The following ZNF519 variants were observed in gnomAD, a reference collection of about 807,000 sequenced individuals.
ZNF519 encodes similar to Zinc finger protein 85 (Zinc finger protein HPF4) (HTF1).
In ZNF519, 7 loss-of-function variants were observed where a neutral mutation model predicts 7.4. The observed-to-expected ratio is 0.94, with a 90% confidence interval of 0.54 to 1.77. ZNF519 has a LOEUF of 1.77. ZNF519 is among the 40% of genes most tolerant of loss of function. The pLI is 0.00. For synonymous variants in ZNF519, 179 were observed against 203.3 expected (o/e 0.88, Z 1.02); for missense variants, 586 against 623.1 (o/e 0.94, Z 0.63).
At chr18:14,122,336 T>C (rs963153592) in intron 2 of ZNF519, 2 of 152,158 alleles carry the variant, frequency 1.3e-5, no homozygotes, top group Non-Finnish European at 2.9e-5. Context: ...CTCTACAGGA[T>C]TAAAAATTAT....
intron 2 of ZNF519, among the ~76,000 whole-genome samples, chr18:14,120,213 G>A (rs1189867018): frequency 6.6e-6 from 1 of 151,862 alleles, no homozygotes; most frequent in Non-Finnish European, 1.5e-5. Flanking sequence ...AAAAACCAAT[G>A]GAACATAATA....
In ZNF519 at chr18:14,105,712, C is replaced by A. The variant is rs970915816; in HGVS notation, c.828G>T (p.Arg276Ser). The change falls in exon 3 of 3, where the codon AGG (arginine) becomes AGT (serine). Residue 276 changes from arginine to serine, a missense_variant. Transcript: ENST00000590202. ...KYKERGKAFT[R>S]GLHLGHQKIH... ...TTTTCTGATGTCCAAGATGTAAGCC[C>A]CTGGTAAAAGCTTTGCCACGTTCTT... is the stretch of plus-strand genomic sequence containing the variant. 6 of 1,613,628 alleles carry A rather than the reference C, an allele frequency of 3.7e-6. No individual in the cohort carries two copies. The African/African-American group carries it at 8.0e-5, about 22-fold the overall frequency.
At chr18:14,106,754 G>T (rs1213188184) in intron 2 of ZNF519, among the ~76,000 whole-genome samples, 2 of 152,134 alleles carry the variant, frequency 1.3e-5, no homozygotes, top group Non-Finnish European at 2.9e-5. Flanking sequence ...CTCATGCCCT[G>T]GCAGCTGTCA....
chr18:14,082,694 T>C (rs1022418495), intron 3 of ZNF519: 17 of 151,626 alleles, frequency 1.1e-4, no homozygotes, highest in African/African-American at 4.1e-4. Context: ...TTTTTTTTTT[T>C]CTCTCCATCA....
chr18:14,092,824 A>T lies in ZNF519; in HGVS notation c.131-7748T>A, dbSNP rs145812342. 3.6e-3 allele frequency among the ~76,000 whole-genome samples: 552 copies of T among 152,318 alleles called. 3 individuals are homozygous for T. The highest frequency in any genetic ancestry group is 0.012 in the African/African-American group (500 of 41,546). On this transcript the variant is annotated intron_variant and NMD_transcript_variant, in intron 2 of 4. Transcript: ENST00000587419. ...CTCAATCTTAGCCTATAAAATTTACAGACTCAGCAGAAATAATTGTGTCCA... is the reference window on the plus strand; with the variant it reads ...CTCAATCTTAGCCTATAAAATTTACTGACTCAGCAGAAATAATTGTGTCCA...
At position 14,104,960 on chromosome 18, in the gene ZNF519, C is replaced by G. The variant is rs1282112224; in HGVS notation, c.1580G>C (p.Arg527Thr). ...KCKECGKAFN[R>T]RSTLTQHQII... The stretch of plus-strand genomic sequence containing the variant: ...TTGATGTTGAGTAAGGGTTGAGCGT[C>G]TGTTAAAAGCTTTGCCACATTCTTT... The change falls in exon 3 of 3, where the codon AGA (arginine) becomes ACA (threonine). Residue 527 changes from arginine to threonine, a missense_variant. Physicochemically the swap from Arg to Thr is moderately conservative, Grantham distance 71 (BLOSUM62 -1). Transcript: ENST00000590202. 1 of 1,584,696 alleles carries G rather than the reference C, an allele frequency of 6.3e-7. No homozygotes were observed. The highest frequency in any genetic ancestry group is 2.2e-5 in the East Asian group (1 of 44,752).
At chr18:14,080,160 A>G (rs2046064767) in intron 3 of ZNF519, 1 of 152,122 alleles carries the variant, frequency 6.6e-6, no homozygotes, top group African/African-American at 2.4e-5. Flanking sequence ...GGAAAAACAA[A>G]TAAGAACAAT....
intron 2 of ZNF519, among the ~76,000 whole-genome samples, chr18:14,094,064 CGTGT>C (rs1197856743): frequency 1.3e-5 from 2 of 152,274 alleles, no homozygotes; most frequent in African/African-American, 4.8e-5. Flanking sequence ...TGCTTTAATG[CGTGT>C]GTTTCTTCTC....
downstream of ZNF519, chr18:14,073,171 C>A (rs2143064968): frequency 6.6e-6 from 1 of 152,206 alleles, no homozygotes; most frequent in East Asian, 1.9e-4. Flanking sequence ...TTGTCTATTA[C>A]AACAGCTAAT....
Position 14,102,670 on chromosome 18 carries a change from C to G in ZNF519, c.*2247G>C, listed in dbSNP as rs556368114. On this transcript the variant is annotated 3_prime_UTR_variant, in exon 3 of 3. Transcript: ENST00000590202. ...CTTTTTAAAATAATAATAATTTATT[C>G]TCTATATGTTGTAAATTATTTTCTC... is the stretch of plus-strand genomic sequence containing the variant. The G allele has an allele frequency of 6.6e-6, 1 of 152,078 alleles. No individual in the cohort carries two copies. The highest frequency in any genetic ancestry group is 2.4e-5 in the African/African-American group (1 of 41,482). The allele number at this position is 152,078 out of a possible 1,614,324, so 9.4% of individuals were successfully genotyped here.
At chr18:14,077,976 A>G (rs980081356) in intron 4 of ZNF519, among the ~76,000 whole-genome samples, 2 of 152,070 alleles carry the variant, frequency 1.3e-5, no homozygotes, top group African/African-American at 4.8e-5. Context: ...TGGGAAGACA[A>G]TTTTTCCATG....
rs374950878 is a variant in ZNF519, at chr18:14,106,371, G to C, written c.169C>G (p.Gln57Glu). Residue 57 changes from glutamine (Q) to glutamate (E), a missense_variant, in exon 3 of 3, where the codon CAA becomes GAA. By Grantham distance (29) the Gln-to-Glu change is conservative. Coordinates refer to ENST00000590202, the MANE Select transcript of ZNF519 (RefSeq NM_145287.4). ...TTTTTGAATGAATCTTGTATGCCTT[G>C]CTCTGGTAAAATGCCTTGGTTGTAA... ...SYYNQGILPE[Q>E]GIQDSFKKAT... The C allele has an allele frequency of 1.9e-6, 3 of 1,606,084 alleles. No homozygotes were observed. The highest frequency in any genetic ancestry group is 2.5e-6 in the Non-Finnish European group (3 of 1,177,534).
chr18:14,130,264 A>G (rs1462350868), intron 1 of ZNF519, among the ~76,000 whole-genome samples: 1 of 151,302 alleles, frequency 6.6e-6, no homozygotes, highest in African/African-American at 2.4e-5. Context: ...TTCAACATTC[A>G]ATCTCTCTTT....
intron 2 of ZNF519, among the ~76,000 whole-genome samples, chr18:14,110,348 G>A (rs2143137273): frequency 6.6e-6 from 1 of 152,022 alleles, no homozygotes; most frequent in Admixed American, 6.6e-5. Flanking sequence ...TAAACAAATG[G>A]GACCTTATTA....
At chr18:14,119,690 A>G in intron 2 of ZNF519, among the ~76,000 whole-genome samples, 1 of 152,140 alleles carries the variant, frequency 6.6e-6, no homozygotes, top group South Asian at 2.1e-4. Flanking sequence ...TGCTGGGCTC[A>G]AATGATCCAC....
chr18:14,106,239 A>C lies in ZNF519; in HGVS notation c.301T>G (p.Cys101Gly), dbSNP rs745680132. 1 of 1,613,638 alleles carries C rather than the reference A, an allele frequency of 6.2e-7. No homozygotes were observed. The highest frequency in any genetic ancestry group is 8.5e-7 in the Non-Finnish European group (1 of 1,179,920). ...TGACTAGTTGTCAAATATTGGCTACATAGATTATAACATTCCTTTTGTCCT... is the reference window on the plus strand; with the variant it reads ...TGACTAGTTGTCAAATATTGGCTACCTAGATTATAACATTCCTTTTGTCCT... ...GEGQKECYNLCSQYLTTSHNK... is the reference protein window; with the variant it reads ...GEGQKECYNLGSQYLTTSHNK... The change falls in exon 3 of 3, where the codon TGT (cysteine) becomes GGT (glycine). Residue 101 changes from cysteine (C) to glycine (G), a missense_variant. Coordinates refer to ENST00000590202, the MANE Select transcript of ZNF519 (RefSeq NM_145287.4).
chr18:14,072,105 T>G (rs1359974242), downstream of ZNF519: 1 of 152,208 alleles, frequency 6.6e-6, no homozygotes, highest in African/African-American at 2.4e-5. Context: ...CATTTCCTAA[T>G]GCAGACTAAA....
At chr18:14,098,939 C>T (rs1379821083), downstream of ZNF519, among the ~76,000 whole-genome samples, 4 of 152,160 alleles carry the variant, frequency 2.6e-5, no homozygotes, top group East Asian at 3.8e-4. Flanking sequence ...TGGTCTCCAA[C>T]AGCATGAAAT....
chr18:14,119,530 T>C (rs571943693), intron 2 of ZNF519, among the ~76,000 whole-genome samples: 1 of 152,364 alleles, frequency 6.6e-6, no homozygotes, highest in African/African-American at 2.4e-5. Flanking sequence ...GATATGATCA[T>C]ACATATGTAT....
Sources: allele counts gnomAD v4.1 joint callset (sites outside exome capture counted in the v4.1 genomes callset), GRCh38; gene constraint gnomAD v4.1.1; transcripts MANE v1.5; gene names NCBI Gene and HGNC (gene_info 2026-07-23, HGNC 2026-07-21).